Variants in BTNL8 observed in about 807,000 individuals in gnomAD.
The protein encoded by BTNL8 is butyrophilin-like protein 8.
In BTNL8, 22 loss-of-function variants were observed where a neutral mutation model predicts 36.1. The observed-to-expected ratio is 0.61, with a 90% CI of 0.44 to 0.87. The LOEUF (loss-of-function observed/expected upper bound fraction) is 0.87, where lower values mean the gene tolerates loss of function less well. Ranked by LOEUF, BTNL8 falls within the 40% of genes least tolerant of loss-of-function variation. BTNL8 has a pLI of 0.00. For missense variants in BTNL8, 526 were observed against 616.9 expected (o/e 0.85, Z 1.56); for synonymous variants, 203 against 235.6 (o/e 0.86, Z 1.27).
chr5:180,943,704 A>G (rs550739638), intron 3 of BTNL8, among the ~76,000 whole-genome samples: 2 of 152,204 alleles, frequency 1.3e-5, no homozygotes, highest in Non-Finnish European at 2.9e-5. Context: ...AACATTAAAA[A>G]CAAAACTACC....
At position 180,908,780 on chromosome 5, in the gene BTNL8, C is replaced by T; in HGVS notation, c.244C>T (p.Gln82Ter). ...DQPFMQMPQYQGRTKLVKDSI... is the reference protein window; with the variant it reads ...DQPFMQMPQY Reference sequence around the variant, plus strand: ...GCCATTTATGCAGATGCCACAGTATCAAGGCAGGACAAAACTGGTGAAGGA... The same window carrying T: ...GCCATTTATGCAGATGCCACAGTATTAAGGCAGGACAAAACTGGTGAAGGA... The change falls in exon 2 of 8, where the codon CAA becomes TAA. Residue 82 changes from glutamine (Q) to a stop codon, truncating the protein, a stop_gained. Transcript: ENST00000340184. LOFTEE classifies it high-confidence loss of function. 1 of 1,614,190 alleles carries T rather than the reference C, an allele frequency of 6.2e-7. No homozygotes were observed. Among genetic ancestry groups the T allele is most frequent in the Non-Finnish European group, 8.5e-7 (1 of 1,180,032 alleles).
In BTNL8 at chr5:180,914,454, T is replaced by C. The variant is rs367995601; in HGVS notation, c.673+2840T>C. 7.9e-5 allele frequency among the ~76,000 whole-genome samples: 12 copies of C among 152,294 alleles called. 1 individual carries two copies. The East Asian group carries it at 2.1e-3, about 27-fold the overall frequency. On this transcript the variant is annotated intron_variant, in intron 3 of 7. Coordinates refer to ENST00000340184, the MANE Select transcript of BTNL8 (RefSeq NM_001040462.3). ...TAGTATTTTGTTATAGCAGCACAAA[T>C]GGACAAAGACTGGTATGATTCAAAC...
chr5:180,921,749 C>T (rs112307585), intron 3 of BTNL8, among the ~76,000 whole-genome samples: 7 of 151,208 alleles, frequency 4.6e-5, no homozygotes, highest in South Asian at 2.1e-4. Flanking sequence ...GAGGAAACTA[C>T]GGGAGATGAT....
intron 1 of BTNL8, among the ~76,000 whole-genome samples, chr5:180,901,208 T>TA (rs1225195576): frequency 6.6e-6 from 1 of 152,224 alleles, no homozygotes. Context: ...GTAATTAAAC[T>TA]AAAAAATTAG....
At chr5:180,915,417 T>C (rs961747041) in intron 3 of BTNL8, among the ~76,000 whole-genome samples, 1 of 152,214 alleles carries the variant, frequency 6.6e-6, no homozygotes, top group African/African-American at 2.4e-5. Flanking sequence ...GGAATTGCCC[T>C]AGGGATAAAT....
At position 180,934,820 on chromosome 5, in the gene BTNL8, C is replaced by T. The variant is rs553694712; in HGVS notation, c.674-12692C>T. Among the ~76,000 whole-genome samples the T allele has an allele frequency of 7.2e-5, 11 of 152,298 alleles. No homozygotes were observed. The South Asian group carries it at 1.5e-3, about 20-fold the overall frequency. ...GCTCTTCTCTCCTTCTCATTGTCTG[C>T]AACATTGCAAACAGGGCGGTGTGTA... is the stretch of plus-strand genomic sequence containing the variant. On this transcript the variant is annotated intron_variant, in intron 3 of 7. Transcript: ENST00000340184.
chr5:180,949,407 C>T lies in BTNL8; in HGVS notation c.862+142C>T. The T allele has an allele frequency of 1.7e-5, 21 of 1,250,914 alleles. 1 individual carries two copies. Among genetic ancestry groups the T allele is most frequent in the Non-Finnish European group, 2.3e-5 (21 of 894,660 alleles). The allele number at this position is 1,250,914 out of a possible 1,614,324, so 77.5% of individuals were successfully genotyped here. ...GATGGAGAAACTGGATGCTTGATCG[C>T]CCCCAAGGGTTCAGTGCCCCCAGAC... On this transcript the variant is annotated intron_variant, in intron 7 of 7. Coordinates refer to ENST00000340184, the MANE Select transcript of BTNL8 (RefSeq NM_001040462.3).
chr5:180,927,406 A>G (rs1342509046), intron 3 of BTNL8, among the ~76,000 whole-genome samples: 1 of 152,186 alleles, frequency 6.6e-6, no homozygotes, highest in Non-Finnish European at 1.5e-5. Flanking sequence ...AATTCCTAAA[A>G]CCAGAATGCC....
At chr5:180,938,550 T>C (rs2113847574) in intron 3 of BTNL8, among the ~76,000 whole-genome samples, 1 of 151,852 alleles carries the variant, frequency 6.6e-6, no homozygotes, top group Admixed American at 6.6e-5. Flanking sequence ...CTTTCTTTTT[T>C]TTTTTTTTGA....
chr5:180,909,539 T>C (rs1291186606), intron 2 of BTNL8: 1 of 985,764 alleles, frequency 1.0e-6, no homozygotes, highest in Non-Finnish European at 1.2e-6. Flanking sequence ...CTCAATGCTC[T>C]GTGTTAACTT....
At chr5:180,930,856 G>T (rs1240154830) in intron 3 of BTNL8, among the ~76,000 whole-genome samples, 2 of 152,118 alleles carry the variant, frequency 1.3e-5, no homozygotes, top group South Asian at 4.1e-4. Context: ...TCGATAGAAA[G>T]ACTCAATATC....
intron 3 of BTNL8, among the ~76,000 whole-genome samples, chr5:180,944,392 T>C (rs1169295999): frequency 6.6e-6 from 1 of 152,140 alleles, no homozygotes; most frequent in Non-Finnish European, 1.5e-5. Flanking sequence ...ACACAATGTA[T>C]ACATGTATCA....
chr5:180,911,596 T>A lies in BTNL8; in HGVS notation c.655T>A (p.Ser219Thr), dbSNP rs762340755. The change falls in exon 3 of 8, where the codon TCC becomes ACC. Residue 219 changes from serine to threonine, a missense_variant. By Grantham distance (58) the Ser-to-Thr change is moderately conservative. Transcript: ENST00000340184. ...TGCTCATCTGAGCCGAGAGGTGGAA[T>A]CCAGGGTACAGATAGGAGGTGAGTA... ...RHAHLSREVE[S>T]RVQIGDTFFE... The A allele has an allele frequency of 6.2e-7, 1 of 1,612,830 alleles. No homozygotes were observed. Among genetic ancestry groups the A allele is most frequent in the Non-Finnish European group, 8.5e-7 (1 of 1,179,126 alleles).
Position 180,948,999 on chromosome 5 carries a change from G to A in BTNL8, c.835+53G>A, listed in dbSNP as rs1187203235. On this transcript the variant is annotated intron_variant, in intron 6 of 7. Coordinates refer to ENST00000340184, the MANE Select transcript of BTNL8 (RefSeq NM_001040462.3). Reference sequence around the variant, plus strand: ...TTTATGACTCCTTTCCAAGTCTCTCGTTTATGGATTTTTATATCCTGAGGC... The same window carrying A: ...TTTATGACTCCTTTCCAAGTCTCTCATTTATGGATTTTTATATCCTGAGGC... 14 of 610,746 alleles carry A rather than the reference G, an allele frequency of 2.3e-5. 2 individuals carry two copies. Among genetic ancestry groups the A allele is most frequent in the Non-Finnish European group, 3.8e-5 (14 of 367,990 alleles). The allele number at this position is 610,746 out of a possible 1,614,324, so 37.8% of individuals were successfully genotyped here.
Position 180,947,509 on chromosome 5 carries a change from C to G in BTNL8, c.674-3C>G. ...CTAAAATGTCTGTGGGATTGTTTTT[C>G]AGATACCTTTTTCGAGCCTATATCG... is the stretch of plus-strand genomic sequence containing the variant. On this transcript the variant is annotated splice_polypyrimidine_tract_variant and splice_region_variant and intron_variant, in intron 3 of 7. Coordinates refer to ENST00000340184, the MANE Select transcript of BTNL8 (RefSeq NM_001040462.3). 1 of 1,612,644 alleles carries G rather than the reference C, an allele frequency of 6.2e-7. No homozygotes were observed. The highest frequency in any genetic ancestry group is 8.5e-7 in the Non-Finnish European group (1 of 1,178,748).
intron 3 of BTNL8, among the ~76,000 whole-genome samples, chr5:180,926,298 T>A (rs1758094651): frequency 6.6e-6 from 1 of 152,172 alleles, no homozygotes; most frequent in Admixed American, 6.5e-5. Flanking sequence ...ACAACCCAGA[T>A]ATTATGCTTT....
rs142938244 is a variant in BTNL8 at position 180,942,759 on chromosome 5, A to G, written c.674-4753A>G. ...TATGCAGAAGAATGAACTAACCCCT[A>G]TCTCTCACCATATATAAAAATAAAC... On this transcript the variant is annotated intron_variant, in intron 3 of 7. Coordinates refer to ENST00000340184, the MANE Select transcript of BTNL8 (RefSeq NM_001040462.3). Among the ~76,000 whole-genome samples the G allele has an allele frequency of 6.4e-4, 97 of 152,088 alleles. No homozygotes were observed. In the East Asian group the frequency reaches 6.9e-3, roughly 11 times the overall value.
At chr5:180,933,823 C>A (rs191348731) in intron 3 of BTNL8, among the ~76,000 whole-genome samples, 1 of 151,996 alleles carries the variant, frequency 6.6e-6, no homozygotes, top group African/African-American at 2.4e-5. Context: ...AAAGAAAAGC[C>A]CAGGACCCAG....
chr5:180,934,764 C>G (rs975169953), intron 3 of BTNL8, among the ~76,000 whole-genome samples: 1 of 152,192 alleles, frequency 6.6e-6, no homozygotes, highest in African/African-American at 2.4e-5. Context: ...GCATGGGAAG[C>G]CCCTAGGTCT....
Sources: gnomAD v4.1 joint callset for allele counts (sites outside exome capture counted in the v4.1 genomes callset) on GRCh38, gnomAD v4.1.1 for gene constraint, MANE v1.5 for transcripts, NCBI Gene and HGNC (gene_info 2026-07-23, HGNC 2026-07-21) for gene names.